GEMIN5: variants seen among roughly 807,000 people sequenced by gnomAD.
The protein encoded by GEMIN5 is gem nuclear organelle associated protein 5, also known as gem-associated protein 5.
GEMIN5 carries 124 observed loss-of-function variants against 176.9 expected under a neutral mutation model. The observed-to-expected ratio is 0.70, with a 90% CI of 0.61 to 0.81. GEMIN5 has a LOEUF of 0.81. Ranked by LOEUF, GEMIN5 falls within the 40% of genes least tolerant of loss-of-function variation. The probability of loss-of-function intolerance (pLI) is 0.00; values close to 1 mark genes in which losing one functional copy is unlikely to be tolerated. For synonymous variants in GEMIN5, 673 were observed against 665.2 expected (o/e 1.01, Z -0.18); for missense variants, 1,843 against 1,814.6 (o/e 1.02, Z -0.28).
intron 7 of GEMIN5, among the ~76,000 whole-genome samples, chr5:154,926,910 G>A (rs189267042): frequency 2.8e-4 from 43 of 152,238 alleles, no homozygotes; most frequent in East Asian, 7.7e-4. Context: ...TTAGCTGGGC[G>A]TAGGTGATAC....
chr5:154,920,726 A>C (rs1203126874), intron 10 of GEMIN5, among the ~76,000 whole-genome samples: 1 of 152,246 alleles, frequency 6.6e-6, no homozygotes, highest in Non-Finnish European at 1.5e-5. Context: ...CTCTCTATGT[A>C]ATGCAATTCC....
intron 3 of GEMIN5, among the ~76,000 whole-genome samples, chr5:154,933,481 C>T (rs1402800233): frequency 6.6e-6 from 1 of 152,042 alleles, no homozygotes; most frequent in Non-Finnish European, 1.5e-5. Flanking sequence ...CACTTTTTTA[C>T]AACAAAAAAA....
chr5:154,909,916 T>G (rs1168299655), intron 15 of GEMIN5, among the ~76,000 whole-genome samples: 1 of 151,620 alleles, frequency 6.6e-6, no homozygotes, highest in Non-Finnish European at 1.5e-5. Flanking sequence ...GGGGCAGAGG[T>G]TGTAGTGAGC....
chr5:154,892,060 G>C (rs567272338), intron 25 of GEMIN5, among the ~76,000 whole-genome samples: 26 of 152,190 alleles, frequency 1.7e-4, no homozygotes, highest in Non-Finnish European at 2.5e-4. Flanking sequence ...CAATGATTTA[G>C]TTCAGTGACT....
intron 13 of GEMIN5, among the ~76,000 whole-genome samples, chr5:154,915,303 A>G (rs1167538312): frequency 6.6e-6 from 1 of 152,158 alleles, no homozygotes. Context: ...TGAAAAATGT[A>G]ACTATTTTCA....
Position 154,927,621 on chromosome 5 carries a change from T to G in GEMIN5, c.915-71A>C, listed in dbSNP as rs201110168. 4 of 1,148,070 alleles carry G rather than the reference T, an allele frequency of 3.5e-6. No individual in the cohort carries two copies. The East Asian group carries it at 9.6e-5, about 27-fold the overall frequency. The allele number at this position is 1,148,070 out of a possible 1,614,324, so 71.1% of individuals were successfully genotyped here. A position where few individuals can be genotyped will look rare whatever the true frequency, so the allele number is the denominator to read the frequency against. ...AAAACAAGTGACTGTTGAGACAGAG[T>G]CTGGGCTCATAGCTGCAAAATGATT... is the stretch of plus-strand genomic sequence containing the variant. On this transcript the variant is annotated intron_variant, in intron 6 of 27. Transcript: ENST00000285873.
intron 3 of GEMIN5, 36 bp from the exon 4 acceptor site, chr5:154,932,286 T>A: frequency 6.6e-7 from 1 of 1,504,056 alleles, no homozygotes; most frequent in Non-Finnish European, 9.2e-7. Context: ...ACTAAAAAAA[T>A]GAAGACAGAA....
At position 154,938,176 on chromosome 5, in the gene GEMIN5, C is replaced by A. The variant is rs1440416847; in HGVS notation, c.-43G>T. On this transcript the variant is annotated 5_prime_UTR_variant, in exon 1 of 28. Transcript: ENST00000285873. ...GACAAGAGAAGCTGCCACAGCCGAC[C>A]GCTCGTAGCCTCACGCCTTAGGTAG... 7.6e-7 allele frequency: 1 copy of A among 1,313,756 alleles called. No homozygotes were observed. The highest frequency in any genetic ancestry group is 9.8e-7 in the Non-Finnish European group (1 of 1,021,572). 81.4% of individuals were successfully genotyped at this position (1,313,756 alleles called of 1,614,324 possible).
chr5:154,903,796 GGGA>G (rs1250608445), intron 18 of GEMIN5, among the ~76,000 whole-genome samples: 1 of 151,804 alleles, frequency 6.6e-6, no homozygotes, highest in Non-Finnish European at 1.5e-5. Flanking sequence ...ACAGAGGACT[GGGA>G]GGAAGATTTA....
rs763070273 is a variant in GEMIN5, at chr5:154,932,190, C to T, written c.570G>A (p.Arg190=). The change falls in exon 4 of 28, where the codon AGG becomes AGA. Residue 190 remains arginine, a synonymous_variant. Coordinates refer to ENST00000285873, the MANE Select transcript of GEMIN5 (RefSeq NM_015465.5). ...GGATTTCATCATCATGGCCTCGAAG[C>T]CTATGAATAACTTCTCCTTTCTTAC... The part of the protein sequence containing the change: ...DISKKGEVIH[R]LRGHDDEIHS... The T allele has an allele frequency of 7.5e-6, 12 of 1,610,360 alleles. No homozygotes were observed. The highest frequency in any genetic ancestry group is 5.0e-5 in the Admixed American group (3 of 60,004).
chr5:154,922,514 A>G (rs1763944919), intron 9 of GEMIN5, among the ~76,000 whole-genome samples: 2 of 152,200 alleles, frequency 1.3e-5, no homozygotes, highest in Admixed American at 1.3e-4. Context: ...GCCTAACAAT[A>G]GCTCTAGGGC....
intron 20 of GEMIN5, among the ~76,000 whole-genome samples, chr5:154,901,781 G>A (rs746748384): frequency 1.4e-4 from 4 of 29,018 alleles, no homozygotes; most frequent in African/African-American, 2.5e-4. Flanking sequence ...ACATGACTAC[G>A]TGCTTTTTTT....
intron 21 of GEMIN5, among the ~76,000 whole-genome samples, chr5:154,900,916 C>T (rs948501707): frequency 7.9e-5 from 12 of 152,000 alleles, no homozygotes; most frequent in Non-Finnish European, 1.2e-4. Flanking sequence ...CTTGCCCTAA[C>T]GAAGTTTAAA....
intron 13 of GEMIN5, among the ~76,000 whole-genome samples, chr5:154,914,706 A>C (rs1188571213): frequency 2.0e-5 from 3 of 152,088 alleles, no homozygotes; most frequent in Admixed American, 2.0e-4. Flanking sequence ...TGGTCTCCTC[A>C]AGTGTTGGGA....
At position 154,937,022 on chromosome 5, in the gene GEMIN5, T is replaced by C; in HGVS notation, c.327+3A>G. ...GGTTTGAGAAACCAGTAAGCCATGG[T>C]ACCTGATGGAGTGCATGTTCTGTCA... On this transcript the variant is annotated splice_donor_region_variant and intron_variant, in intron 2 of 27. Coordinates refer to ENST00000285873, the MANE Select transcript of GEMIN5 (RefSeq NM_015465.5). The C allele has an allele frequency of 6.2e-7, 1 of 1,610,346 alleles. No individual in the cohort carries two copies. Among genetic ancestry groups the C allele is most frequent in the Non-Finnish European group, 8.5e-7 (1 of 1,177,374 alleles).
intron 26 of GEMIN5, among the ~76,000 whole-genome samples, chr5:154,890,885 C>G (rs1234642186): frequency 6.6e-6 from 1 of 152,070 alleles, no homozygotes; most frequent in Admixed American, 6.6e-5. Context: ...GGCCTCAGCC[C>G]CCCAAGTAGC....
chr5:154,896,131 G>T lies in GEMIN5; in HGVS notation c.3558C>A (p.Ile1186=). The change falls in exon 24 of 28, where the codon ATC becomes ATA. Residue 1186 remains isoleucine, a synonymous_variant. Transcript: ENST00000285873. ...TGTTATTTGTAGCAGATGGGTACTT[G>T]ATGTTCTGCAGCTTCTGAAAGGCTT... The part of the protein sequence containing the change: ...YQEAFQKLQN[I]KYPSATNNTP... The T allele has an allele frequency of 1.2e-6, 2 of 1,613,924 alleles. No homozygotes were observed. The highest frequency in any genetic ancestry group is 1.7e-6 in the Non-Finnish European group (2 of 1,179,922).
chr5:154,937,434 T>G (rs1027181849), intron 1 of GEMIN5, among the ~76,000 whole-genome samples: 3 of 152,242 alleles, frequency 2.0e-5, no homozygotes, highest in Non-Finnish European at 4.4e-5. Flanking sequence ...TTGCTCTGCT[T>G]AGTTCACAGA....
rs866050390 is a variant in GEMIN5, at chr5:154,925,942, G to T, written c.1213C>A (p.Arg405Ser). The change falls in exon 8 of 28, where the codon CGT becomes AGT. Residue 405 changes from arginine to serine, a missense_variant. Transcript: ENST00000285873. ...LAIGVGDGMI[R>S]VWNTLSIKNN... ...TTTATGGAGAGTGTATTCCATACAC[G>T]GATCATGCCATCCCCAACACCTATG... is the stretch of plus-strand genomic sequence containing the variant. 6.2e-7 allele frequency: 1 copy of T among 1,613,118 alleles called. No individual in the cohort carries two copies. Among genetic ancestry groups the T allele is most frequent in the Non-Finnish European group, 8.5e-7 (1 of 1,179,236 alleles).
Sources: allele counts gnomAD v4.1 joint callset (sites outside exome capture counted in the v4.1 genomes callset), GRCh38; gene constraint gnomAD v4.1.1; transcripts MANE v1.5; gene names NCBI Gene and HGNC (gene_info 2026-07-23, HGNC 2026-07-21).